The following CACNA1E variants were observed in gnomAD, a reference collection of about 807,000 sequenced individuals.
CACNA1E encodes calcium voltage-gated channel subunit alpha1 E.
A neutral mutation model predicts 259.2 loss-of-function variants in CACNA1E; 40 were observed. The observed-to-expected ratio is 0.15, with a 90% confidence interval of 0.12 to 0.20. CACNA1E has a LOEUF of 0.20. CACNA1E is among the 10% of genes least tolerant of loss of function. The probability of loss-of-function intolerance (pLI) is 1.00; values close to 1 mark genes in which losing one functional copy is unlikely to be tolerated. For synonymous variants in CACNA1E, 1,104 were observed against 1,138.5 expected, an observed-to-expected ratio of 0.97 and a Z score of 0.61; for missense variants, 1,874 against 3,040.1, an observed-to-expected ratio of 0.62 and a Z score of 9.02.
chr1:181,481,393 A>G (rs1663232495), upstream of CACNA1E, among the ~76,000 whole-genome samples: 1 of 151,540 alleles, frequency 6.6e-6, no homozygotes, highest in South Asian at 2.1e-4. Context: ...TTCTCACACA[A>G]CAGACACATG....
intron 1 of CACNA1E, among the ~76,000 whole-genome samples, chr1:181,323,082 A>T (rs1650493361): frequency 1.3e-5 from 2 of 152,220 alleles, no homozygotes. Flanking sequence ...CAAAAATGCA[A>T]CTTGGTATCA....
At position 181,807,173 on chromosome 1, in the gene CACNA1E, CATTTT is replaced by C. The variant is rs1405044989; in HGVS notation, c.*8340_*8344del. 6.0e-5 allele frequency: 9 copies of C among 149,888 alleles called. No homozygotes were observed. The highest frequency in any genetic ancestry group is 2.2e-4 in the African/African-American group (9 of 40,766). The allele number at this position is 149,888 out of a possible 1,614,324, so 9.3% of individuals were successfully genotyped here. On this transcript the variant is annotated 3_prime_UTR_variant, in exon 48 of 48. Transcript: ENST00000367573. ...TAAAAATGTTCTCTGCCTTGGATAA[CATTTT>C]TTTTTAAAGATTCCATACAAACTCA... is the stretch of plus-strand genomic sequence containing the variant.
chr1:181,764,076 C>T (rs1028638253), intron 34 of CACNA1E, among the ~76,000 whole-genome samples: 8 of 152,140 alleles, frequency 5.3e-5, no homozygotes, highest in Admixed American at 1.3e-4. Flanking sequence ...ACCTCTGTGT[C>T]CTACAAATAA....
chr1:181,767,693 C>T (rs1414098006), intron 35 of CACNA1E, among the ~76,000 whole-genome samples: 1 of 152,184 alleles, frequency 6.6e-6, no homozygotes, highest in African/African-American at 2.4e-5. Context: ...TCTAAAAATA[C>T]AATAGAATGT....
intron 44 of CACNA1E, among the ~76,000 whole-genome samples, chr1:181,791,104 T>A (rs1470956814): frequency 6.6e-6 from 1 of 152,190 alleles, no homozygotes; most frequent in African/African-American, 2.4e-5. Flanking sequence ...TCCCTTTTGG[T>A]CACAATTCAA....
intron 7 of CACNA1E, among the ~76,000 whole-genome samples, chr1:181,657,632 G>A (rs1008486698): frequency 7.2e-5 from 11 of 152,138 alleles, no homozygotes; most frequent in South Asian, 4.1e-4. Flanking sequence ...GACGAAAGGC[G>A]TATATAAGAA....
At chr1:181,421,756 C>T (rs1658760329) in intron 2 of CACNA1E, among the ~76,000 whole-genome samples, 1 of 152,130 alleles carries the variant, frequency 6.6e-6, no homozygotes, top group East Asian at 1.9e-4. Context: ...AAACATATCC[C>T]AAGTCCAAAC....
intron 12 of CACNA1E, 39 bp downstream of exon 12, chr1:181,718,206 T>C (rs755846911): frequency 2.0e-6 from 2 of 1,017,610 alleles, no homozygotes; most frequent in South Asian, 1.3e-5. Flanking sequence ...CTGCTTCGTG[T>C]TGATATGCCC....
chr1:181,526,665 C>T (rs10910949), intron 3 of CACNA1E, among the ~76,000 whole-genome samples: 22,582 of 152,132 alleles, frequency 0.15, 2,132 homozygotes, highest in Non-Finnish European at 0.21. Context: ...AGAGTTATAA[C>T]ACAGGACAGC....
At chr1:181,437,487 C>T (rs923702905) in intron 2 of CACNA1E, among the ~76,000 whole-genome samples, 3 of 152,188 alleles carry the variant, frequency 2.0e-5, no homozygotes, top group Non-Finnish European at 2.9e-5. Flanking sequence ...TTTCTCATCT[C>T]CTGCCCCTCC....
At chr1:181,412,113 C>T (rs1459711866) in intron 1 of CACNA1E, among the ~76,000 whole-genome samples, 1 of 152,250 alleles carries the variant, frequency 6.6e-6, no homozygotes, top group Admixed American at 6.5e-5. Flanking sequence ...ATACGTACGT[C>T]TTTCAGAGGC....
chr1:181,700,472 G>A (rs1160655534), intron 7 of CACNA1E, among the ~76,000 whole-genome samples: 1 of 152,176 alleles, frequency 6.6e-6, no homozygotes, highest in African/African-American at 2.4e-5. Context: ...TCTGTGCTGG[G>A]ACTTCAGGCA....
chr1:181,737,628 G>A lies in CACNA1E; in HGVS notation c.3526G>A (p.Val1176Ile), dbSNP rs1228218600. ...SSIALAAEDP[V>I]LTNSERNKVL... Reference sequence around the variant, plus strand: ...CATCGCCCTGGCGGCAGAGGACCCCGTCCTGACCAACTCGGAGCGCAACAA... The same window carrying A: ...CATCGCCCTGGCGGCAGAGGACCCCATCCTGACCAACTCGGAGCGCAACAA... Residue 1176 changes from valine (V) to isoleucine (I), a missense_variant, in exon 23 of 48, where the codon GTC becomes ATC. By Grantham distance (29) the Val-to-Ile change is conservative. Around this residue, in one of 14 missense-constraint regions of CACNA1E, gnomAD observed 56 missense variants for 97.4 expected, o/e 0.57. Coordinates refer to ENST00000367573, the MANE Select transcript of CACNA1E (RefSeq NM_001205293.3). 16 of 1,613,880 alleles carry A rather than the reference G, an allele frequency of 9.9e-6. No individual in the cohort carries two copies. The highest frequency in any genetic ancestry group is 2.2e-5 in the East Asian group (1 of 44,896).
At chr1:181,640,405 T>C (rs1205626247) in intron 6 of CACNA1E, among the ~76,000 whole-genome samples, 1 of 152,246 alleles carries the variant, frequency 6.6e-6, no homozygotes, top group African/African-American at 2.4e-5. Context: ...TTACAAGCCA[T>C]GGTTCCTTGC....
At chr1:181,554,674 T>C (rs1414802508) in intron 3 of CACNA1E, among the ~76,000 whole-genome samples, 1 of 152,226 alleles carries the variant, frequency 6.6e-6, no homozygotes, top group Non-Finnish European at 1.5e-5. Context: ...ATCATCCTGC[T>C]TTCTCGTTGC....
In CACNA1E at chr1:181,641,703, G is replaced by GTTTT. The variant is rs751082929; in HGVS notation, c.952-9610_952-9607dup. Reference sequence around the variant, plus strand: ...GATCATGAGGCAACACTAATTTTTTGTTTTTTTTTTTTTTTTTTTTTTTTT... The same window carrying GTTTT: ...GATCATGAGGCAACACTAATTTTTTGTTTTTTTTTTTTTTTTTTTTTTTTTTTTT... On this transcript the variant is annotated intron_variant, in intron 6 of 47. Coordinates refer to ENST00000367573, the MANE Select transcript of CACNA1E (RefSeq NM_001205293.3). Among the ~76,000 whole-genome samples, 421 of 81,104 alleles carry GTTTT rather than the reference G, an allele frequency of 5.2e-3. 63 individuals are homozygous for GTTTT. The highest frequency in any genetic ancestry group is 0.017 in the African/African-American group (387 of 22,904). 53.2% of individuals were successfully genotyped at this position (81,104 alleles called of 152,430 possible). A position where few individuals can be genotyped will look rare whatever the true frequency, so the allele number is the denominator to read the frequency against.
intron 1 of CACNA1E, among the ~76,000 whole-genome samples, chr1:181,331,161 G>A (rs903117150): frequency 3.3e-5 from 5 of 152,178 alleles, no homozygotes; most frequent in Non-Finnish European, 7.3e-5. Context: ...TTCAGGCATG[G>A]CTGTGGTGGG....
intron 2 of CACNA1E, among the ~76,000 whole-genome samples, chr1:181,428,473 G>C (rs115579676): frequency 1.3e-5 from 2 of 152,124 alleles, no homozygotes; most frequent in Admixed American, 6.5e-5. Context: ...GTGGAGGGGC[G>C]CTTGCAAGAG....
At chr1:181,503,733 G>A (rs953000083) in intron 1 of CACNA1E, among the ~76,000 whole-genome samples, 6 of 152,184 alleles carry the variant, frequency 3.9e-5, no homozygotes, top group South Asian at 2.1e-4. Context: ...TTCAGATTCC[G>A]GTATCATTTT....
Sources: allele counts gnomAD v4.1 joint callset (sites outside exome capture counted in the v4.1 genomes callset), GRCh38; gene constraint gnomAD v4.1.1; regional missense constraint gnomAD v4.1.1; transcripts MANE v1.5; gene names NCBI Gene and HGNC (gene_info 2026-07-23, HGNC 2026-07-21).